Variants in PIK3C2G observed in about 807,000 individuals in gnomAD.
PIK3C2G encodes phosphatidylinositol-4-phosphate 3-kinase catalytic subunit type 2 gamma.
In PIK3C2G, 168 loss-of-function variants were observed where a neutral mutation model predicts 181.1. The ratio of observed to expected loss-of-function variants is 0.93; its 90% confidence interval spans 0.82 to 1.05. PIK3C2G has a LOEUF of 1.05. Among genes scored for constraint, PIK3C2G ranks in the 50% least tolerant of loss-of-function variants. The pLI, the probability that PIK3C2G is intolerant of heterozygous loss-of-function variation, is 0.00. For missense variants in PIK3C2G, 1,869 were observed against 1,732.8 expected, an observed-to-expected ratio of 1.08 and a Z score of -1.40; for synonymous variants, 573 against 592.2, an observed-to-expected ratio of 0.97 and a Z score of 0.47.
chr12:18,677,820 A>G, the PIK3C2G span, among the ~76,000 whole-genome samples: 1 of 152,236 alleles, frequency 6.6e-6, no homozygotes, highest in African/African-American at 2.4e-5. Context: ...ATATAAGCAC[A>G]AATCTATCCT....
At chr12:18,556,076 G>A (rs899449167) in intron 26 of PIK3C2G, among the ~76,000 whole-genome samples, 2 of 152,116 alleles carry the variant, frequency 1.3e-5, no homozygotes, top group African/African-American at 2.4e-5. Context: ...ATAGAATAGT[G>A]CCTAGCAAGG....
chr12:18,508,868 C>T (rs766123114), intron 24 of PIK3C2G, among the ~76,000 whole-genome samples: 6 of 152,048 alleles, frequency 3.9e-5, no homozygotes, highest in Non-Finnish European at 8.8e-5. Flanking sequence ...CAATACCAAA[C>T]AACAATAACC....
In PIK3C2G at chr12:18,542,665, T is replaced by C. The variant is rs145916150; in HGVS notation, c.3481-3658T>C. 5.7e-3 allele frequency among the ~76,000 whole-genome samples: 871 copies of C among 152,032 alleles called. 5 individuals carry two copies. Among genetic ancestry groups the C allele is most frequent in the African/African-American group, 0.02 (831 of 41,534 alleles). ...ATAAGTGAGAATATGCAGTATGTGGTTTTCTGTTCCTGCATTAGTTTGCTA... is the reference window on the plus strand; with the variant it reads ...ATAAGTGAGAATATGCAGTATGTGGCTTTCTGTTCCTGCATTAGTTTGCTA... On this transcript the variant is annotated intron_variant, in intron 25 of 32. Transcript: ENST00000538779.
At position 18,497,693 on chromosome 12, in the gene PIK3C2G, A is replaced by G. The variant is rs200134595; in HGVS notation, c.2961A>G (p.Glu987=). The change falls in exon 22 of 33, where the codon GAA becomes GAG. Residue 987 remains glutamate, a synonymous_variant. Transcript: ENST00000538779. ...TGATGGACAATATTTGGCTGCAGGAAGGCTTGGATATGCAAATGATCATTT... is the reference window on the plus strand; with the variant it reads ...TGATGGACAATATTTGGCTGCAGGAGGGCTTGGATATGCAAATGATCATTT... ...IQVMDNIWLQ[E]GLDMQMIIYR... 1.1e-5 allele frequency: 18 copies of G among 1,612,556 alleles called. No individual in the cohort carries two copies. In the Admixed American group the frequency reaches 1.7e-4, roughly 15 times the overall value.
intron 18 of PIK3C2G, among the ~76,000 whole-genome samples, chr12:18,463,235 G>C (rs1016123996): frequency 6.6e-6 from 1 of 152,016 alleles, no homozygotes; most frequent in Non-Finnish European, 1.5e-5. Context: ...TATAGAATGG[G>C]CTATTTCACT....
chr12:18,270,053 G>C (rs1223522498), intron 1 of PIK3C2G, among the ~76,000 whole-genome samples: 1 of 151,752 alleles, frequency 6.6e-6, no homozygotes, highest in Non-Finnish European at 1.5e-5. Context: ...GGGATTATAG[G>C]CGTGAGCCAC....
At chr12:18,577,667 T>C (rs897821395) in intron 29 of PIK3C2G, among the ~76,000 whole-genome samples, 1 of 152,162 alleles carries the variant, frequency 6.6e-6, no homozygotes, top group African/African-American at 2.4e-5. Flanking sequence ...TGTTCCATAA[T>C]AGTCTCATAC....
rs1393536564 is a variant in PIK3C2G at position 18,546,402 on chromosome 12, C to T, written c.3560C>T (p.Thr1187Ile). 7 of 1,597,702 alleles carry T rather than the reference C, an allele frequency of 4.4e-6. No homozygotes were observed. In the Admixed American group the frequency reaches 8.6e-5, roughly 20 times the overall value. ...YVYNNLRPQD[T>I]DLEATSHFTK... ...TATAATAATCTTCGTCCACAAGACA[C>T]AGACCTGGAAGCAACAAGTCATTTT... The change falls in exon 26 of 33, where the codon ACA (threonine) becomes ATA (isoleucine). Residue 1187 changes from threonine to isoleucine, a missense_variant. Thr to Ile is a moderately conservative substitution (Grantham distance 89). Transcript: ENST00000538779.
At position 18,503,384 on chromosome 12, in the gene PIK3C2G, TCAGCACAAC is replaced by T; in HGVS notation, c.3123_3131del (p.Gln1041_Asn1043del). The T allele has an allele frequency of 6.2e-7, 1 of 1,610,936 alleles. No homozygotes were observed. The highest frequency in any genetic ancestry group is 8.5e-7 in the Non-Finnish European group (1 of 1,178,058). ...AAAATACAATTAAAAAGTGGTTCAG[TCAGCACAAC>T]CACTTAAAGGCAGATTATGAAAAGG... On this transcript the variant is annotated inframe_deletion, in exon 23 of 33. Transcript: ENST00000538779.
chr12:18,448,825 TATATATAATTGTGGTGGAG>T (rs2135873533), intron 18 of PIK3C2G, among the ~76,000 whole-genome samples: 1 of 151,628 alleles, frequency 6.6e-6, no homozygotes, highest in African/African-American at 2.4e-5. Context: ...CACACACATA[TATATATAATTGTGGTGGAG>T]ATATATCTCC....
chr12:18,501,279 C>T (rs1941459425), intron 22 of PIK3C2G, among the ~76,000 whole-genome samples: 1 of 151,918 alleles, frequency 6.6e-6, no homozygotes, highest in Non-Finnish European at 1.5e-5. Flanking sequence ...GAAGGTGAAG[C>T]GGAAGCAAGG....
At chr12:18,516,380 C>G (rs2136162418) in intron 24 of PIK3C2G, among the ~76,000 whole-genome samples, 1 of 151,148 alleles carries the variant, frequency 6.6e-6, no homozygotes, top group East Asian at 2.0e-4. Context: ...AAATACGTTT[C>G]TCTTCTCTTG....
intron 31 of PIK3C2G, among the ~76,000 whole-genome samples, chr12:18,613,540 G>C (rs1427344959): frequency 6.6e-6 from 1 of 151,984 alleles, no homozygotes; most frequent in East Asian, 1.9e-4. Flanking sequence ...ATGTGTCTGA[G>C]TGTAGCCTGG....
intron 26 of PIK3C2G, among the ~76,000 whole-genome samples, chr12:18,552,640 T>G (rs1208977968): frequency 6.6e-6 from 1 of 152,064 alleles, no homozygotes; most frequent in Non-Finnish European, 1.5e-5. Flanking sequence ...ATTGTGAAAG[T>G]CTCCCATTAT....
intron 13 of PIK3C2G, among the ~76,000 whole-genome samples, chr12:18,373,268 C>A (rs886148791): frequency 6.6e-6 from 1 of 152,148 alleles, no homozygotes; most frequent in African/African-American, 2.4e-5. Context: ...AATCCCTGCT[C>A]ATAAACATTT....
chr12:18,431,869 A>G (rs1329386505), intron 18 of PIK3C2G, among the ~76,000 whole-genome samples: 1 of 152,184 alleles, frequency 6.6e-6, no homozygotes, highest in Non-Finnish European at 1.5e-5. Context: ...TCAGAAATGT[A>G]TACACAGGAT....
At chr12:18,570,571 G>A (rs1003203846) in intron 29 of PIK3C2G, among the ~76,000 whole-genome samples, 1 of 150,156 alleles carries the variant, frequency 6.7e-6, no homozygotes, top group Non-Finnish European at 1.5e-5. Context: ...GAGAGAGAGG[G>A]CAAGGGACCT....
intron 18 of PIK3C2G, among the ~76,000 whole-genome samples, chr12:18,449,478 A>G (rs1010002899): frequency 2.0e-5 from 3 of 151,760 alleles, no homozygotes; most frequent in Non-Finnish European, 2.9e-5. Flanking sequence ...ACAGGCCCCA[A>G]TGTGTGATGT....
the PIK3C2G span, among the ~76,000 whole-genome samples, chr12:18,687,287 C>T: frequency 1.3e-5 from 2 of 152,094 alleles, no homozygotes; most frequent in African/African-American, 2.4e-5. Flanking sequence ...AAAAAGAAAA[C>T]TGTGCCTGCT....
Sources: allele counts gnomAD v4.1 joint callset (sites outside exome capture counted in the v4.1 genomes callset), GRCh38; gene constraint gnomAD v4.1.1; transcripts MANE v1.5; gene names NCBI Gene and HGNC (gene_info 2026-07-23, HGNC 2026-07-21).